ARVCF: variants seen among roughly 807,000 people sequenced by gnomAD.
ARVCF encodes ARVCF delta catenin family member, also known as splicing regulator ARVCF.
A neutral mutation model predicts 90.9 loss-of-function variants in ARVCF; 66 were observed. The ratio of observed to expected loss-of-function variants is 0.73; its 90% CI spans 0.60 to 0.89. The LOEUF (loss-of-function observed/expected upper bound fraction) is 0.89. ARVCF is among the 40% of genes least tolerant of loss of function. The probability of loss-of-function intolerance (pLI) is 0.00; values close to 1 mark genes in which losing one functional copy is unlikely to be tolerated. For synonymous variants in ARVCF, 653 were observed against 603.4 expected (o/e 1.08, Z -1.21); for missense variants, 1,469 against 1,382.3 (o/e 1.06, Z -1.00).
rs367943018 is a variant in ARVCF, at chr22:19,978,562, G to A, written c.1580+335C>T. On this transcript the variant is annotated intron_variant, in intron 7 of 19. Transcript: ENST00000263207. ...CAGGGGTAGGAGGGGAAGGGCAGAG[G>A]TCACAGGTGGCTGGGATGAGCCTCC... is the stretch of plus-strand genomic sequence containing the variant. 2.2e-4 allele frequency among the ~76,000 whole-genome samples: 33 copies of A among 152,254 alleles called. No individual in the cohort carries two copies. The South Asian group carries it at 6.4e-3, about 30-fold the overall frequency.
intron 2 of ARVCF, among the ~76,000 whole-genome samples, chr22:19,991,218 T>C (rs927854070): frequency 4.6e-5 from 7 of 152,224 alleles, no homozygotes; most frequent in Non-Finnish European, 1.0e-4. Flanking sequence ...CAGAGGCAGA[T>C]GCCAGGGCCA....
chr22:19,997,709 A>C (rs1431384510), intron 2 of ARVCF, among the ~76,000 whole-genome samples: 1 of 152,198 alleles, frequency 6.6e-6, no homozygotes, highest in Non-Finnish European at 1.5e-5. Flanking sequence ...AGAGGGCTGC[A>C]GAGGCTGCCA....
chr22:20,011,271 G>A (rs561780721), intron 1 of ARVCF, among the ~76,000 whole-genome samples: 12 of 152,278 alleles, frequency 7.9e-5, no homozygotes, highest in Middle Eastern at 3.4e-3. Context: ...ATCTAGGCCC[G>A]GGGATATTGC....
chr22:20,011,765 G>A (rs1339664640), intron 1 of ARVCF, among the ~76,000 whole-genome samples: 1 of 152,224 alleles, frequency 6.6e-6, no homozygotes, highest in Non-Finnish European at 1.5e-5. Flanking sequence ...TGAGGCTTAG[G>A]AACCAGCTTT....
At chr22:19,994,172 G>A (rs566699664) in intron 2 of ARVCF, among the ~76,000 whole-genome samples, 137 of 152,160 alleles carry the variant, frequency 9.0e-4, no homozygotes, top group African/African-American at 3.2e-3. Flanking sequence ...ACAGAGGGAC[G>A]GACAGATTGA....
At chr22:19,976,851 G>A in intron 9 of ARVCF, 128 bp from the exon 10 acceptor site, 2 of 1,116,204 alleles carry the variant, frequency 1.8e-6, no homozygotes, top group Non-Finnish European at 2.6e-6. Context: ...GCAGCATGTG[G>A]AACCTCATCC....
chr22:20,009,164 G>T (rs1601684516), intron 2 of ARVCF, among the ~76,000 whole-genome samples: 2 of 152,230 alleles, frequency 1.3e-5, no homozygotes. Context: ...TGTGCCACAA[G>T]CAAGCCAAGT....
intron 2 of ARVCF, among the ~76,000 whole-genome samples, chr22:19,995,415 G>A (rs1216644023): frequency 2.6e-5 from 4 of 151,948 alleles, no homozygotes; most frequent in Non-Finnish European, 5.9e-5. Flanking sequence ...GGGCCGGTGG[G>A]CAGGAAGGAA....
intron 1 of ARVCF, among the ~76,000 whole-genome samples, chr22:20,015,627 G>C (rs565067080): frequency 3.9e-5 from 6 of 152,260 alleles, no homozygotes; most frequent in African/African-American, 1.4e-4. Flanking sequence ...AGAAGCTAAG[G>C]TCGGGAGAGG....
intron 18 of ARVCF, among the ~76,000 whole-genome samples, 200 bp from the exon 19 acceptor site, chr22:19,971,535 T>A (rs551656269): frequency 1.3e-5 from 2 of 152,144 alleles, no homozygotes; most frequent in Non-Finnish European, 2.9e-5. Flanking sequence ...CACACAGGCC[T>A]GCACAGGAAG....
Position 19,972,828 on chromosome 22 carries a change from CTG to C in ARVCF, c.2551-3_2551-2del, listed in dbSNP as rs1942896520. ...GCCCCTTGGCAGTAGCAGCAGCTGACTGAGACATAAAACACAGACACAGGGTG... is the reference window on the plus strand; with the variant it reads ...GCCCCTTGGCAGTAGCAGCAGCTGACAGACATAAAACACAGACACAGGGTG... On this transcript the variant is annotated splice_acceptor_variant and splice_polypyrimidine_tract_variant and intron_variant, in intron 15 of 19. Transcript: ENST00000263207. LOFTEE classifies it high-confidence loss of function. The C allele has an allele frequency of 6.2e-7, 1 of 1,613,534 alleles. No homozygotes were observed. The highest frequency in any genetic ancestry group is 8.5e-7 in the Non-Finnish European group (1 of 1,179,742).
In ARVCF at chr22:19,973,184, C is replaced by G; in HGVS notation, c.2373G>C (p.Leu791=). The change falls in exon 14 of 20, where the codon CTG becomes CTC. Residue 791 remains leucine, a synonymous_variant. Transcript: ENST00000263207. The part of the protein sequence containing the change: ...NTIHEIVSDS[L]DNARSLLQAR... The stretch of plus-strand genomic sequence containing the variant: ...CCTGCAGGAGCGAGCGCGCGTTATC[C>G]AGGCTGTCGGACACGATTTCGTGGA... The G allele has an allele frequency of 6.2e-7, 1 of 1,610,944 alleles. No individual in the cohort carries two copies. Among genetic ancestry groups the G allele is most frequent in the South Asian group, 1.1e-5 (1 of 90,702 alleles).
At chr22:19,967,236 C>G (rs574147654), downstream of ARVCF, 26 of 1,301,822 alleles carry the variant, frequency 2.0e-5, no homozygotes, top group Admixed American at 1.6e-4. Context: ...GCTCCTGAGT[C>G]CCCTGGCGCA....
chr22:19,987,364 C>G (rs1601627095), intron 3 of ARVCF, among the ~76,000 whole-genome samples: 2 of 121,362 alleles, frequency 1.6e-5, no homozygotes, highest in East Asian at 5.7e-4. Context: ...AGCCCCGGGT[C>G]GCCCCCTGTC....
In ARVCF at chr22:19,971,264, C is replaced by T. The variant is rs1193763656; in HGVS notation, c.2853G>A (p.Gly951=). 5.1e-6 allele frequency: 8 copies of T among 1,556,272 alleles called. No homozygotes were observed. Among genetic ancestry groups the T allele is most frequent in the African/African-American group, 1.4e-5 (1 of 73,502 alleles). Residue 951 remains glycine, a synonymous_variant, in exon 19 of 20, where the codon GGG becomes GGA. Transcript: ENST00000263207. Reference sequence around the variant, plus strand: ...AATCAACGGGCTGAGGCTTAGCGTCCCCTACGGCGTCCACCAGCCTGACCG... The same window carrying T: ...AATCAACGGGCTGAGGCTTAGCGTCTCCTACGGCGTCCACCAGCCTGACCG... ...RPAVRLVDAV[G]DAKPQPVDSW... is the part of the protein sequence containing the mutation.
At position 19,975,693 on chromosome 22, in the gene ARVCF, G is replaced by A. The variant is rs753173474; in HGVS notation, c.1953C>T (p.Ala651=). 1.3e-5 allele frequency: 21 copies of A among 1,613,480 alleles called. No individual in the cohort carries two copies. The highest frequency in any genetic ancestry group is 5.5e-5 in the South Asian group (5 of 91,076). ...TCATCTCAGCCCACTCACCTTTGGC[G>A]GCCTCAGTTCGCTTGGGCAGGTCTA... ...DTLDLPKRTE[A]AKGFELLYQP... The change falls in exon 11 of 20, where the codon GCC becomes GCT. Residue 651 remains alanine (A), a synonymous_variant. Transcript: ENST00000263207.
intron 3 of ARVCF, among the ~76,000 whole-genome samples, 173 bp from the exon 4 acceptor site, chr22:19,982,264 G>A (rs967591454): frequency 8.5e-5 from 13 of 152,172 alleles, no homozygotes; most frequent in African/African-American, 1.7e-4. Flanking sequence ...AGCTGACAAG[G>A]ACAGCAATAA....
At chr22:19,978,211 A>G in intron 7 of ARVCF, 136 bp from the exon 8 acceptor site, 1 of 725,626 alleles carries the variant, frequency 1.4e-6, no homozygotes, top group East Asian at 2.9e-5. Context: ...AAAGGACCCC[A>G]CAGTCTGGAG....
chr22:19,982,137 C>T (rs752186341), intron 3 of ARVCF, 46 bp from the exon 4 acceptor site: 3 of 1,597,632 alleles, frequency 1.9e-6, no homozygotes, highest in South Asian at 1.1e-5. Context: ...TGCTCAGTCA[C>T]CCCTGGAGTG....
Sources: gnomAD v4.1 joint callset for allele counts (sites outside exome capture counted in the v4.1 genomes callset) on GRCh38, gnomAD v4.1.1 for gene constraint, MANE v1.5 for transcripts, NCBI Gene and HGNC (gene_info 2026-07-23, HGNC 2026-07-21) for gene names.